C4orf51: variants seen among roughly 807,000 people sequenced by gnomAD.
C4orf51 encodes the protein uncharacterized protein C4orf51.
C4orf51 carries 25 observed loss-of-function variants against 25.2 expected under a neutral mutation model. The ratio of observed to expected loss-of-function variants is 0.99; its 90% CI spans 0.72 to 1.39. C4orf51 has a LOEUF of 1.39. C4orf51 is among the 40% of genes most tolerant of loss of function. The probability of loss-of-function intolerance (pLI) is 0.00; values close to 1 mark genes in which losing one functional copy is unlikely to be tolerated. For missense variants in C4orf51, 252 were observed against 239.6 expected, an observed-to-expected ratio of 1.05 and a Z score of -0.34; for synonymous variants, 100 against 84.5, an observed-to-expected ratio of 1.18 and a Z score of -1.01.
chr4:145,787,458 T>C, the C4orf51 span, among the ~76,000 whole-genome samples: 4 of 139,642 alleles, frequency 2.9e-5, no homozygotes, highest in East Asian at 8.2e-4. Context: ...TGAGACTCCG[T>C]CTCAGGAAAA....
chr4:145,725,429 G>T (rs1035355069), intron 2 of C4orf51, among the ~76,000 whole-genome samples: 1 of 151,976 alleles, frequency 6.6e-6, no homozygotes, highest in African/African-American at 2.4e-5. Context: ...GTGATGCTGC[G>T]TATAGGTTTT....
At chr4:145,741,162 G>A (rs746228574) in intron 1 of C4orf51, among the ~76,000 whole-genome samples, 57 of 152,274 alleles carry the variant, frequency 3.7e-4, no homozygotes, top group Admixed American at 7.8e-4. Flanking sequence ...CCTTTTAGCT[G>A]TAATATTCCG....
the C4orf51 span, among the ~76,000 whole-genome samples, chr4:145,777,316 G>A: frequency 5.9e-5 from 9 of 152,208 alleles, no homozygotes; most frequent in Non-Finnish European, 1.2e-4. Context: ...AAGTGAAACT[G>A]TGGAGCTTTT....
intron 2 of C4orf51, among the ~76,000 whole-genome samples, chr4:145,720,638 C>T (rs74648325): frequency 0.11 from 16,884 of 152,220 alleles, 1,153 homozygotes; most frequent in African/African-American, 0.18. Flanking sequence ...TTTAGCACTT[C>T]CTTCCTGGTA....
chr4:145,702,977 A>AC (rs1221620380), intron 2 of C4orf51, among the ~76,000 whole-genome samples: 2 of 143,606 alleles, frequency 1.4e-5, no homozygotes, highest in African/African-American at 2.6e-5. Context: ...TCTCCATACC[A>AC]CCCCCCCAAA....
chr4:145,692,511 A>C (rs949382703), intron 1 of C4orf51, among the ~76,000 whole-genome samples: 7 of 152,182 alleles, frequency 4.6e-5, no homozygotes, highest in Admixed American at 1.3e-4. Context: ...GAGCTAAAAA[A>C]CCTGCACTTT....
At chr4:145,702,242 C>G (rs899403157) in intron 2 of C4orf51, among the ~76,000 whole-genome samples, 14 of 151,938 alleles carry the variant, frequency 9.2e-5, no homozygotes, top group African/African-American at 3.1e-4. Context: ...GCCTTATCAA[C>G]CAAATTGTTT....
chr4:145,732,299 G>GA (rs1376019338), intron 5 of C4orf51, among the ~76,000 whole-genome samples, 154 bp from the exon 6 acceptor site: 6 of 152,194 alleles, frequency 3.9e-5, no homozygotes, highest in Non-Finnish European at 8.8e-5. Flanking sequence ...TATTAAACAG[G>GA]AAGGTTAAGA....
At chr4:145,712,854 G>T (rs1019720626) in intron 2 of C4orf51, among the ~76,000 whole-genome samples, 1 of 152,200 alleles carries the variant, frequency 6.6e-6, no homozygotes, top group Non-Finnish European at 1.5e-5. Context: ...TCAAAGGATA[G>T]GCTGACTCTC....
chr4:145,735,173 G>C (rs752643389), downstream of C4orf51, among the ~76,000 whole-genome samples: 1 of 152,204 alleles, frequency 6.6e-6, no homozygotes, highest in African/African-American at 2.4e-5. Context: ...TTGGAGAAGG[G>C]GACTGTTGGA....
intron 1 of C4orf51, among the ~76,000 whole-genome samples, chr4:145,696,316 G>C (rs1456937957): frequency 1.3e-5 from 2 of 152,156 alleles, no homozygotes; most frequent in African/African-American, 4.8e-5. Context: ...AGGGTGGGAG[G>C]AGGGAGAGGA....
chr4:145,681,562 T>C (rs141633768), intron 1 of C4orf51, among the ~76,000 whole-genome samples: 1 of 152,322 alleles, frequency 6.6e-6, no homozygotes, highest in East Asian at 1.9e-4. Context: ...GAAGTTGTCT[T>C]AGTCCATTTT....
chr4:145,716,834 G>A (rs1214291988), intron 2 of C4orf51, among the ~76,000 whole-genome samples: 1 of 152,160 alleles, frequency 6.6e-6, no homozygotes, highest in African/African-American at 2.4e-5. Flanking sequence ...ATCTGAGGAG[G>A]GTTTTATGTG....
intron 1 of C4orf51, among the ~76,000 whole-genome samples, chr4:145,764,018 T>C (rs1734905802): frequency 6.6e-6 from 1 of 152,172 alleles, no homozygotes; most frequent in Non-Finnish European, 1.5e-5. Context: ...ATCTCTCCCT[T>C]CCTCACCCAT....
intron 1 of C4orf51, among the ~76,000 whole-genome samples, chr4:145,744,739 G>C (rs1733275027): frequency 6.6e-6 from 1 of 151,876 alleles, no homozygotes; most frequent in Non-Finnish European, 1.5e-5. Flanking sequence ...TGTATTCCCA[G>C]CTACTCGGGA....
intron 1 of C4orf51, among the ~76,000 whole-genome samples, chr4:145,738,435 G>A (rs947576552): frequency 6.9e-6 from 1 of 144,312 alleles, no homozygotes; most frequent in African/African-American, 2.6e-5. Flanking sequence ...GGGCGACAGA[G>A]CGAGACTCTA....
rs370787274 is a variant in C4orf51 at position 145,693,004 on chromosome 4, C to T, written c.234-3555C>T. 9.2e-5 allele frequency among the ~76,000 whole-genome samples: 10 copies of T among 108,760 alleles called. No homozygotes were observed. The East Asian group carries it at 2.0e-3, about 21-fold the overall frequency. The allele number at this position is 108,760 out of a possible 152,430, so 71.4% of individuals were successfully genotyped here. Reference sequence around the variant, plus strand: ...TGTAAGTCCCATCAGGTGAAATGAACAATTTTTCACCTGTTTTTTTTTTTT... The same window carrying T: ...TGTAAGTCCCATCAGGTGAAATGAATAATTTTTCACCTGTTTTTTTTTTTT... On this transcript the variant is annotated intron_variant, in intron 1 of 5. Transcript: ENST00000438731.
At chr4:145,771,824 G>T (rs920999359), downstream of C4orf51, among the ~76,000 whole-genome samples, 1 of 152,198 alleles carries the variant, frequency 6.6e-6, no homozygotes, top group Non-Finnish European at 1.5e-5. Context: ...ACAAGATAGC[G>T]TGGCAGATTT....
chr4:145,713,597 A>G (rs1731245829), intron 2 of C4orf51, among the ~76,000 whole-genome samples: 1 of 152,232 alleles, frequency 6.6e-6, no homozygotes, highest in Non-Finnish European at 1.5e-5. Context: ...GGATGAGCGA[A>G]GAAACTGATT....
Sources: gnomAD v4.1 joint callset for allele counts (sites outside exome capture counted in the v4.1 genomes callset) on GRCh38, gnomAD v4.1.1 for gene constraint, MANE v1.5 for transcripts, NCBI Gene and HGNC (gene_info 2026-07-23, HGNC 2026-07-21) for gene names.